Variants in RAVER1 observed in about 807,000 individuals in gnomAD.
RAVER1 encodes ribonucleoprotein, PTB binding 1.
A neutral mutation model predicts 68.4 loss-of-function variants in RAVER1; 36 were observed. The ratio of observed to expected loss-of-function variants is 0.53; its 90% CI spans 0.40 to 0.70. The LOEUF is 0.70. RAVER1 is among the 30% of genes least tolerant of loss of function. The pLI is 0.00. For synonymous variants in RAVER1, 469 were observed against 472.7 expected (o/e 0.99, Z 0.10); for missense variants, 933 against 1,019.8 (o/e 0.91, Z 1.16).
Position 10,333,096 on chromosome 19 carries a change from C to T in RAVER1, c.219+193G>A, listed in dbSNP as rs2040535084. On this transcript the variant is annotated intron_variant, in intron 1 of 12. Transcript: ENST00000617231. The surrounding 1 kb of genome is among the most constrained non-coding windows in gnomAD (Gnocchi z 4.2). ...CCCCTAGCAACGCCCTCCCTCACTT[C>T]GCAGTCGGTTTCCCCTTTCATCATC... 6.6e-6 allele frequency among the ~76,000 whole-genome samples: 1 copy of T among 152,098 alleles called. No homozygotes were observed. The highest frequency in any genetic ancestry group is 2.4e-5 in the African/African-American group (1 of 41,422).
At position 10,316,541 on chromosome 19, in the gene RAVER1, G is replaced by C; in HGVS notation, c.*913C>G. 1.0e-6 allele frequency: 1 copy of C among 987,996 alleles called. No homozygotes were observed. The allele number at this position is 987,996 out of a possible 1,614,324, so 61.2% of individuals were successfully genotyped here. ...CAAGCGAGTGACAGCAGAGGCTCCG[G>C]GAGATGGGCACAATGTCCGACTCCC... On this transcript the variant is annotated 3_prime_UTR_variant, in exon 13 of 13. Transcript: ENST00000617231.
chr19:10,332,938 A>G (rs2040533487), intron 1 of RAVER1, among the ~76,000 whole-genome samples: 1 of 152,136 alleles, frequency 6.6e-6, no homozygotes, highest in South Asian at 2.1e-4. Context: ...GGAGAAAAGC[A>G]TCATCCAAGC....
chr19:10,321,082 T>C lies in RAVER1; in HGVS notation c.1439A>G (p.Gln480Arg). ...GLRGSGLRGL[Q>R]KDSGPLPTPP... ...CGTCGGCAGAGGCCCACTGTCTTTCTGGAGGCCTCTGAGGCCAGAGCCTCG... is the reference window on the plus strand; with the variant it reads ...CGTCGGCAGAGGCCCACTGTCTTTCCGGAGGCCTCTGAGGCCAGAGCCTCG... The change falls in exon 8 of 13, where the codon CAG becomes CGG. Residue 480 changes from glutamine to arginine, a missense_variant. By Grantham distance (43) the Gln-to-Arg change is conservative (BLOSUM62 1). This residue lies in a region of RAVER1 where 699 missense variants were observed against 731.1 expected (regional missense o/e 0.96). Coordinates refer to ENST00000617231, the MANE Select transcript of RAVER1 (RefSeq NM_133452.3). 1.5e-6 allele frequency: 2 copies of C among 1,350,558 alleles called. No homozygotes were observed. Among genetic ancestry groups the C allele is most frequent in the South Asian group, 2.1e-5 (1 of 48,654 alleles). 83.7% of individuals were successfully genotyped at this position (1,350,558 alleles called of 1,614,324 possible).
In RAVER1 at chr19:10,317,436, A is replaced by C; in HGVS notation, c.*18T>G. On this transcript the variant is annotated 3_prime_UTR_variant, in exon 13 of 13. Transcript: ENST00000617231. The surrounding 1 kb of genome is among the most constrained non-coding windows in gnomAD (Gnocchi z 4.3). ...GCGATTTGGTGCAGGCCCTTGAGTT[A>C]TCTCTGGTGCCAGCCACTTAGAAAA... 6.2e-7 allele frequency: 1 copy of C among 1,613,536 alleles called. No individual in the cohort carries two copies. Among genetic ancestry groups the C allele is most frequent in the Non-Finnish European group, 8.5e-7 (1 of 1,179,482 alleles).
chr19:10,322,150 CTTTG>C lies in RAVER1; in HGVS notation c.1173+491_1173+494del, dbSNP rs1401630528. On this transcript the variant is annotated intron_variant, in intron 6 of 12. Transcript: ENST00000617231. The surrounding 1 kb of genome is among the most constrained non-coding windows in gnomAD (Gnocchi z 4.3). ...CTATGTGTGTGTCTTTGTCTTATGT[CTTTG>C]TGTGTCTATGTCTCTGTGTGTATAT... 6.0e-6 allele frequency: 1 copy of C among 166,674 alleles called. No individual in the cohort carries two copies. Among genetic ancestry groups the C allele is most frequent in the African/African-American group, 2.4e-5 (1 of 41,654 alleles). 10.3% of individuals were successfully genotyped at this position (166,674 alleles called of 1,614,324 possible).
chr19:10,319,258 A>C lies in RAVER1; in HGVS notation c.1771-18T>G, dbSNP rs2145066117. On this transcript the variant is annotated intron_variant, in intron 9 of 12. Coordinates refer to ENST00000617231, the MANE Select transcript of RAVER1 (RefSeq NM_133452.3). ...CCCATGTCCTGAATGAAAGCGGGAG[A>C]AGCACATTGGGTTGGAGTCTGTCCC... is the stretch of plus-strand genomic sequence containing the variant. 3 of 1,612,626 alleles carry C rather than the reference A, an allele frequency of 1.9e-6. No homozygotes were observed. The highest frequency in any genetic ancestry group is 1.1e-5 in the South Asian group (1 of 91,022).
chr19:10,333,200 C>T lies in RAVER1; in HGVS notation c.219+89G>A. On this transcript the variant is annotated intron_variant, in intron 1 of 12. Transcript: ENST00000617231. This position sits in a 1 kb window ranked among gnomAD's most constrained non-coding sequence, Gnocchi z 4.2. ...TGGGCGCCCCCGCCAACGACCCCCG[C>T]GCACCTCAGCGTTGGTGTCGCCCGG... 7.6e-7 allele frequency: 1 copy of T among 1,316,404 alleles called. No homozygotes were observed. Among genetic ancestry groups the T allele is most frequent in the Non-Finnish European group, 1.0e-6 (1 of 965,700 alleles). 81.5% of individuals were successfully genotyped at this position (1,316,404 alleles called of 1,614,324 possible).
At chr19:10,325,113 C>T (rs2040465356) in intron 3 of RAVER1, among the ~76,000 whole-genome samples, 1 of 152,126 alleles carries the variant, frequency 6.6e-6, no homozygotes, top group Non-Finnish European at 1.5e-5. Flanking sequence ...CTCCACCTCC[C>T]TGGTTCAATC....
Position 10,322,674 on chromosome 19 carries a change from G to C in RAVER1, c.1144C>G (p.Gln382Glu). The C allele has an allele frequency of 2.6e-6, 4 of 1,545,644 alleles. No individual in the cohort carries two copies. The highest frequency in any genetic ancestry group is 3.5e-6 in the Non-Finnish European group (4 of 1,155,254). Residue 382 changes from glutamine to glutamate, a missense_variant, in exon 6 of 13, where the codon CAG (glutamine) becomes GAG (glutamate). Gln to Glu is a conservative substitution (Grantham distance 29, BLOSUM62 2). Transcript: ENST00000617231. The surrounding 1 kb of genome is among the most constrained non-coding windows in gnomAD (Gnocchi z 4.3). ...TGGCCCTGGGTCTGCAGGGCGAGCT[G>C]CAACAGCGCCGTGGACAGGGCTGGC... The part of the protein sequence containing the change: ...NGPALSTALL[Q>E]LALQTQGQKK...
intron 3 of RAVER1, among the ~76,000 whole-genome samples, chr19:10,325,189 T>A (rs1051573287): frequency 5.9e-5 from 9 of 152,070 alleles, no homozygotes; most frequent in Non-Finnish European, 1.3e-4. Flanking sequence ...CCTGGCTAAT[T>A]TTTTTTCTAT....
At position 10,329,136 on chromosome 19, in the gene RAVER1, AG is replaced by A; in HGVS notation, c.287-26del. On this transcript the variant is annotated intron_variant, in intron 2 of 12. Coordinates refer to ENST00000617231, the MANE Select transcript of RAVER1 (RefSeq NM_133452.3). The surrounding 1 kb of genome is among the most constrained non-coding windows in gnomAD (Gnocchi z 4.6). ...GCTGCGGTGGGAGGAGGGCAGTGCG[AG>A]GTCAGCCGGGCCCTGAGGGCCTGCC... 2 of 1,402,492 alleles carry A rather than the reference AG, an allele frequency of 1.4e-6. No individual in the cohort carries two copies. Among genetic ancestry groups the A allele is most frequent in the Non-Finnish European group, 1.9e-6 (2 of 1,055,484 alleles). The allele number at this position is 1,402,492 out of a possible 1,614,324, so 86.9% of individuals were successfully genotyped here.
In RAVER1 at chr19:10,318,288, G is replaced by A; in HGVS notation, c.1930C>T (p.Pro644Ser). Residue 644 changes from proline (P) to serine (S), a missense_variant, in exon 11 of 13, where the codon CCC (proline) becomes TCC (serine). Physicochemically the swap from Pro to Ser is moderately conservative, Grantham distance 74. Coordinates refer to ENST00000617231, the MANE Select transcript of RAVER1 (RefSeq NM_133452.3). ...AGGCCGCTGGTGAAGTAGGAAGTGG[G>A]CGAGCCTGAATAGAAGTGAGACAGG... ...GPLSHFYSGS[P>S]TSYFTSGLQA... 6.2e-7 allele frequency: 1 copy of A among 1,603,996 alleles called. No homozygotes were observed. Among genetic ancestry groups the A allele is most frequent in the Middle Eastern group, 1.7e-4 (1 of 6,038 alleles).
chr19:10,316,637 G>A lies in RAVER1; in HGVS notation c.*817C>T, dbSNP rs187631999. 20 of 933,442 alleles carry A rather than the reference G, an allele frequency of 2.1e-5. No individual in the cohort carries two copies. In the East Asian group the frequency reaches 2.3e-3, roughly 108 times the overall value. 57.8% of individuals were successfully genotyped at this position (933,442 alleles called of 1,614,324 possible). ...GGAGGCCCGGGTAGGAGGGGGTGGTGGGGCCGGTTCGCCAAGATGAAGGCT... is the reference window on the plus strand; with the variant it reads ...GGAGGCCCGGGTAGGAGGGGGTGGTAGGGCCGGTTCGCCAAGATGAAGGCT... On this transcript the variant is annotated 3_prime_UTR_variant, in exon 13 of 13. Transcript: ENST00000617231.
intron 3 of RAVER1, among the ~76,000 whole-genome samples, chr19:10,324,848 G>C: frequency 6.6e-6 from 1 of 152,174 alleles, no homozygotes. Flanking sequence ...TGGGCTCCTC[G>C]GAGGACATCA....
At position 10,329,032 on chromosome 19, in the gene RAVER1, T is replaced by C. The variant is rs2145081982; in HGVS notation, c.366A>G (p.Glu122=). The C allele has an allele frequency of 6.4e-7, 1 of 1,553,162 alleles. No homozygotes were observed. Among genetic ancestry groups the C allele is most frequent in the African/African-American group, 1.4e-5 (1 of 73,598 alleles). The change falls in exon 3 of 13, where the codon GAA becomes GAG. Residue 122 remains glutamate, a synonymous_variant. Transcript: ENST00000617231. This position sits in a 1 kb window ranked among gnomAD's most constrained non-coding sequence, Gnocchi z 4.6. ...CCGTGGGCTGCAGCTGCACCGACAG[T>C]TCACGCTCCCGCAGGCGGCTCTGGT... The part of the protein sequence containing the change: ...AFHQSRLRER[E]LSVQLQPTDA...
In RAVER1 at chr19:10,322,540, C is replaced by T. The variant is rs965189553; in HGVS notation, c.1173+105G>A. On this transcript the variant is annotated intron_variant, in intron 6 of 12. Transcript: ENST00000617231. The surrounding 1 kb of genome is among the most constrained non-coding windows in gnomAD (Gnocchi z 4.3). ...TCGCCCTCACCCTGGTTCTGCGCCCCCAGGGCACAGCCAGAGGTCCCCCCA... is the reference window on the plus strand; with the variant it reads ...TCGCCCTCACCCTGGTTCTGCGCCCTCAGGGCACAGCCAGAGGTCCCCCCA... 4 of 828,246 alleles carry T rather than the reference C, an allele frequency of 4.8e-6. No homozygotes were observed. Among genetic ancestry groups the T allele is most frequent in the South Asian group, 1.8e-5 (1 of 54,548 alleles). The allele number at this position is 828,246 out of a possible 1,614,324, so 51.3% of individuals were successfully genotyped here.
rs1203026283 is a variant in RAVER1 at position 10,328,646 on chromosome 19, C to T, written c.752G>A (p.Cys251Tyr). 1 of 1,553,736 alleles carries T rather than the reference C, an allele frequency of 6.4e-7. No individual in the cohort carries two copies. Among genetic ancestry groups the T allele is most frequent in the South Asian group, 1.2e-5 (1 of 84,576 alleles). Residue 251 changes from cysteine (C) to tyrosine (Y), a missense_variant, in exon 3 of 13, where the codon TGC becomes TAC. This residue lies in a region of RAVER1 where 699 missense variants were observed against 731.1 expected (regional missense o/e 0.96). Transcript: ENST00000617231. The surrounding 1 kb of genome is among the most constrained non-coding windows in gnomAD (Gnocchi z 4.4). ...AATGCTCTCCACAGGGCTCACCTGG[C>T]AGAAGGTGGGGCTGTGGACAGCTGA... is the stretch of plus-strand genomic sequence containing the variant. ...ALSAVHSPTF[C>Y]QLACGQDGQL... is the part of the protein sequence containing the mutation.
In RAVER1 at chr19:10,329,205, G is replaced by T; in HGVS notation, c.287-94C>A. 1 of 780,922 alleles carries T rather than the reference G, an allele frequency of 1.3e-6. No homozygotes were observed. The allele number at this position is 780,922 out of a possible 1,614,324, so 48.4% of individuals were successfully genotyped here. A position where few individuals can be genotyped will look rare whatever the true frequency, so the allele number is the denominator to read the frequency against. On this transcript the variant is annotated intron_variant, in intron 2 of 12. Coordinates refer to ENST00000617231, the MANE Select transcript of RAVER1 (RefSeq NM_133452.3). This position sits in a 1 kb window ranked among gnomAD's most constrained non-coding sequence, Gnocchi z 4.6. Reference sequence around the variant, plus strand: ...TGCAAACCAGGTGGGACCTCCAAATGCTGGGCATCTCAGGTGCCTGCTGAT... The same window carrying T: ...TGCAAACCAGGTGGGACCTCCAAATTCTGGGCATCTCAGGTGCCTGCTGAT...
At chr19:10,331,462 C>T (rs547328558) in intron 1 of RAVER1, among the ~76,000 whole-genome samples, 4 of 137,384 alleles carry the variant, frequency 2.9e-5, no homozygotes, top group Non-Finnish European at 3.1e-5. Flanking sequence ...CTGAGGCAGG[C>T]GGGTCACAAG....
Sources: gnomAD v4.1 joint callset for allele counts (sites outside exome capture counted in the v4.1 genomes callset) on GRCh38, gnomAD v4.1.1 for gene constraint, gnomAD v4.1.1 regional missense constraint, Gnocchi (gnomAD v3.1) non-coding constraint, MANE v1.5 for transcripts, NCBI Gene and HGNC (gene_info 2026-07-23, HGNC 2026-07-21) for gene names.